Variants in PDE1C observed in about 807,000 individuals in gnomAD.
The protein encoded by PDE1C is phosphodiesterase 1C, also known as dual specificity calcium/calmodulin-dependent 3',5'-cyclic nucleotide phosphodiesterase 1C.
A neutral mutation model predicts 93.1 loss-of-function variants in PDE1C; 62 were observed. The observed-to-expected ratio is 0.67, with a 90% CI of 0.54 to 0.82. The LOEUF (loss-of-function observed/expected upper bound fraction) is 0.82. PDE1C is among the 40% of genes least tolerant of loss of function. The pLI is 0.00. For synonymous variants in PDE1C, 325 were observed against 310.1 expected (o/e 1.05, Z -0.50); for missense variants, 742 against 884.6 (o/e 0.84, Z 2.04).
chr7:32,025,637 G>C (rs1167959368), intron 2 of PDE1C, among the ~76,000 whole-genome samples: 1 of 151,934 alleles, frequency 6.6e-6, no homozygotes, highest in Non-Finnish European at 1.5e-5. Context: ...ATGAGACGAA[G>C]AGCTAGGTTT....
chr7:32,207,134 C>T (rs529869510), intron 2 of PDE1C, among the ~76,000 whole-genome samples: 1 of 152,190 alleles, frequency 6.6e-6, no homozygotes, highest in East Asian at 1.9e-4. Flanking sequence ...TCTCACAGGA[C>T]TAACTCCACA....
At chr7:31,969,845 A>C (rs1308347745) in intron 2 of PDE1C, among the ~76,000 whole-genome samples, 1 of 152,188 alleles carries the variant, frequency 6.6e-6, no homozygotes, top group Non-Finnish European at 1.5e-5. Flanking sequence ...CTTTGTAGGG[A>C]CATCGATGAA....
At chr7:32,298,031 T>C (rs957135012) in intron 1 of PDE1C, among the ~76,000 whole-genome samples, 1 of 56,146 alleles carries the variant, frequency 1.8e-5, no homozygotes, top group African/African-American at 8.3e-5. Context: ...TCTCTCTCTC[T>C]CTCTCTCTCT....
chr7:31,690,310 C>A, the PDE1C span, among the ~76,000 whole-genome samples: 1 of 152,222 alleles, frequency 6.6e-6, no homozygotes, highest in Non-Finnish European at 1.5e-5. Flanking sequence ...AAGCATGCAG[C>A]TATGCTATTT....
the PDE1C span, among the ~76,000 whole-genome samples, chr7:31,693,677 T>C: frequency 2.0e-5 from 3 of 152,176 alleles, no homozygotes; most frequent in African/African-American, 7.2e-5. Flanking sequence ...AGAAAAGATG[T>C]AATAAATGAA....
chr7:31,721,818 G>C, the PDE1C span, among the ~76,000 whole-genome samples: 1 of 152,192 alleles, frequency 6.6e-6, no homozygotes, highest in East Asian at 1.9e-4. Flanking sequence ...CACAAAGAAG[G>C]CTGAACCTAA....
At chr7:32,343,439 C>T (rs1445293767) in intron 1 of PDE1C, among the ~76,000 whole-genome samples, 1 of 152,156 alleles carries the variant, frequency 6.6e-6, no homozygotes. Context: ...GCTGTGGATA[C>T]AAAACACCAA....
intron 3 of PDE1C, among the ~76,000 whole-genome samples, chr7:32,085,080 G>C (rs1424584158): frequency 7.0e-6 from 1 of 143,190 alleles, no homozygotes; most frequent in Non-Finnish European, 1.5e-5. Context: ...TTTTTGAAAG[G>C]ATCAACAAAA....
At chr7:32,260,967 G>A (rs1420639949) in intron 1 of PDE1C, among the ~76,000 whole-genome samples, 1 of 152,086 alleles carries the variant, frequency 6.6e-6, no homozygotes, top group Non-Finnish European at 1.5e-5. Flanking sequence ...AAAATTAGCT[G>A]GGCATGATGG....
intron 1 of PDE1C, 123 bp from the exon 2 acceptor site, chr7:32,051,703 G>T: frequency 1.3e-6 from 1 of 764,074 alleles, no homozygotes; most frequent in Non-Finnish European, 2.3e-6. Flanking sequence ...TCTCTGTGAA[G>T]CTTATGGGTT....
intron 1 of PDE1C, among the ~76,000 whole-genome samples, chr7:32,260,885 C>A (rs1810150283): frequency 6.6e-6 from 1 of 152,182 alleles, no homozygotes; most frequent in Non-Finnish European, 1.5e-5. Flanking sequence ...CTTTGGGAGG[C>A]CCAGGTGGGT....
chr7:32,109,865 A>C (rs190298168), intron 3 of PDE1C, among the ~76,000 whole-genome samples: 1 of 152,144 alleles, frequency 6.6e-6, no homozygotes, highest in Admixed American at 6.6e-5. Flanking sequence ...CTGAGAAGCT[A>C]TTATTTTAAA....
chr7:32,051,483 C>A, intron 2 of PDE1C, 71 bp downstream of exon 2: 2 of 1,441,846 alleles, frequency 1.4e-6, no homozygotes, highest in Non-Finnish European at 2.0e-6. Flanking sequence ...TCCAGTCCAC[C>A]ATGAGCCAGA....
intron 2 of PDE1C, among the ~76,000 whole-genome samples, chr7:31,966,241 T>A: frequency 6.6e-6 from 1 of 151,610 alleles, no homozygotes. Context: ...ACACATAGGC[T>A]CAAAATAAAG....
At chr7:31,883,967 AACCC>A (rs1389955402) in intron 2 of PDE1C, among the ~76,000 whole-genome samples, 1 of 152,216 alleles carries the variant, frequency 6.6e-6, no homozygotes, top group Non-Finnish European at 1.5e-5. Context: ...TAGAAAGCAA[AACCC>A]TAGCCAAGTG....
chr7:31,780,803 T>TTG lies in PDE1C; in HGVS notation c.1892-5073_1892-5072dup, dbSNP rs55970947. On this transcript the variant is annotated intron_variant, in intron 16 of 17. Transcript: ENST00000396191. Reference sequence around the variant, plus strand: ...CATGCGTGTGTGTGCACGTGTGCATTTGTGTGTGTGTGTGTGTGTGTGTGT... The same window carrying TTG: ...CATGCGTGTGTGTGCACGTGTGCATTTGTGTGTGTGTGTGTGTGTGTGTGTGT... Among the ~76,000 whole-genome samples the TTG allele has an allele frequency of 3.5e-3, 523 of 149,714 alleles. 2 individuals are homozygous for TTG. Among genetic ancestry groups the TTG allele is most frequent in the African/African-American group, 0.012 (488 of 40,798 alleles).
chr7:32,150,449 G>A (rs1584861194), intron 3 of PDE1C, among the ~76,000 whole-genome samples: 1 of 152,260 alleles, frequency 6.6e-6, no homozygotes, highest in Non-Finnish European at 1.5e-5. Flanking sequence ...GGTCAGTAGG[G>A]TTTCCCTAGG....
chr7:32,129,104 T>C (rs943164114), intron 3 of PDE1C, among the ~76,000 whole-genome samples: 1 of 151,134 alleles, frequency 6.6e-6, no homozygotes, highest in Non-Finnish European at 1.5e-5. Flanking sequence ...TAGACCCTTT[T>C]TCCTCTTTCT....
At chr7:31,944,246 C>T (rs537596259) in intron 2 of PDE1C, among the ~76,000 whole-genome samples, 5 of 152,310 alleles carry the variant, frequency 3.3e-5, no homozygotes, top group Admixed American at 2.6e-4. Flanking sequence ...TTTTCCCTCC[C>T]GGTTACATTC....
Sources: gnomAD v4.1 joint callset for allele counts (sites outside exome capture counted in the v4.1 genomes callset) on GRCh38, gnomAD v4.1.1 for gene constraint, MANE v1.5 for transcripts, NCBI Gene and HGNC (gene_info 2026-07-23, HGNC 2026-07-21) for gene names.